The following NIPA1 variants were observed in gnomAD, a reference collection of about 807,000 sequenced individuals.
NIPA1 encodes magnesium transporter NIPA1.
NIPA1 carries 13 observed loss-of-function variants against 23.9 expected under a neutral mutation model. That is an observed-to-expected ratio of 0.54 (90% CI 0.35 to 0.87). The LOEUF (loss-of-function observed/expected upper bound fraction) is 0.87. NIPA1 is among the 40% of genes least tolerant of loss of function. The pLI is 0.01. For synonymous variants in NIPA1, 234 were observed against 202.9 expected (o/e 1.15, Z -1.30); for missense variants, 362 against 429.7 (o/e 0.84, Z 1.39).
intron 1 of NIPA1, among the ~76,000 whole-genome samples, chr15:22,800,517 C>T (rs906271920): frequency 2.6e-5 from 4 of 151,950 alleles, no homozygotes; most frequent in Non-Finnish European, 5.9e-5. Context: ...GTGGGCTGGG[C>T]GTGGTGGCTG....
rs530665277 is a variant in NIPA1, at chr15:22,829,314, A to C, written c.*5075A>C. On this transcript the variant is annotated 3_prime_UTR_variant, in exon 5 of 5. Coordinates refer to ENST00000337435, the MANE Select transcript of NIPA1 (RefSeq NM_144599.5). ...CCTGCTTCCAAGCAGCTCAACCCTG[A>C]TGCTGAACTGACACCAGGCGAATGT... 5.5e-4 allele frequency: 84 copies of C among 152,342 alleles called. No individual in the cohort carries two copies. The highest frequency in any genetic ancestry group is 1.7e-3 in the African/African-American group (72 of 41,550). The allele number at this position is 152,342 out of a possible 1,614,324, so 9.4% of individuals were successfully genotyped here.
At chr15:22,816,178 ATTTTTTTT>A (rs71117481) in intron 3 of NIPA1, among the ~76,000 whole-genome samples, 8 of 77,458 alleles carry the variant, frequency 1.0e-4, no homozygotes, top group African/African-American at 4.2e-4. Context: ...AGAAGACCTG[ATTTTTTTT>A]TTTTTTTTTT....
In NIPA1 at chr15:22,810,744, T is replaced by C. The variant is rs774341557; in HGVS notation, c.179-5T>C. ...TTCTGACATTTTTTATCTCATTTTT[T>C]ATAGGTACTTCCTATTTAACAGACA... On this transcript the variant is annotated splice_region_variant and splice_polypyrimidine_tract_variant and intron_variant, in intron 1 of 4. Transcript: ENST00000337435. 1.3e-6 allele frequency: 2 copies of C among 1,596,522 alleles called. No individual in the cohort carries two copies. Among genetic ancestry groups the C allele is most frequent in the Non-Finnish European group, 1.7e-6 (2 of 1,163,838 alleles).
intron 1 of NIPA1, among the ~76,000 whole-genome samples, chr15:22,804,038 G>A (rs542376012): frequency 2.7e-3 from 403 of 151,660 alleles, no homozygotes; most frequent in African/African-American, 9.0e-3. Context: ...ATGCAGTGGC[G>A]TGATCTTGGC....
rs1286732031 is a variant in NIPA1 at position 22,802,129 on chromosome 15, C to T, written c.179-8620C>T. Among the ~76,000 whole-genome samples, 3 of 152,150 alleles carry T rather than the reference C, an allele frequency of 2.0e-5. No individual in the cohort carries two copies. In the East Asian group the frequency reaches 5.8e-4, roughly 30 times the overall value. On this transcript the variant is annotated intron_variant, in intron 1 of 4. Coordinates refer to ENST00000337435, the MANE Select transcript of NIPA1 (RefSeq NM_144599.5). ...AAATTAAGGGTCGGGCACGGTGGCT[C>T]ACGCCCGTAATCCCAGCACTTTGGG...
At chr15:22,801,268 A>AT (rs1041252680) in intron 1 of NIPA1, among the ~76,000 whole-genome samples, 4 of 152,110 alleles carry the variant, frequency 2.6e-5, no homozygotes, top group African/African-American at 9.7e-5. Context: ...ACCAGTGCAC[A>AT]TGACAGAGCT....
chr15:22,803,367 A>G (rs77818374), intron 1 of NIPA1, among the ~76,000 whole-genome samples: 7,657 of 152,034 alleles, frequency 0.05, 513 homozygotes, highest in African/African-American at 0.15. Context: ...TTACGTATGT[A>G]TATATATACT....
At chr15:22,809,253 G>A (rs1372022418) in intron 1 of NIPA1, among the ~76,000 whole-genome samples, 2 of 152,000 alleles carry the variant, frequency 1.3e-5, no homozygotes, top group East Asian at 3.9e-4. Context: ...CGCACGTGGT[G>A]GTGCACGCCT....
At chr15:22,814,332 A>C (rs1425923001) in intron 3 of NIPA1, among the ~76,000 whole-genome samples, 1 of 150,304 alleles carries the variant, frequency 6.7e-6, no homozygotes, top group African/African-American at 2.5e-5. Flanking sequence ...ATCTCGGCTC[A>C]CTGCAAGCTC....
chr15:22,813,654 G>T (rs1275573403), intron 3 of NIPA1: 1 of 455,952 alleles, frequency 2.2e-6, no homozygotes, highest in African/African-American at 2.0e-5. Context: ...AATCCTTGCA[G>T]AGAAGTGTGT....
intron 1 of NIPA1, among the ~76,000 whole-genome samples, chr15:22,801,544 C>T (rs1307715113): frequency 8.0e-6 from 1 of 124,442 alleles, no homozygotes; most frequent in Admixed American, 9.8e-5. Flanking sequence ...GAGACAGAGT[C>T]TTGCTCTGTC....
chr15:22,797,661 G>A (rs1280329846), intron 1 of NIPA1, among the ~76,000 whole-genome samples: 1 of 151,630 alleles, frequency 6.6e-6, no homozygotes, highest in East Asian at 1.9e-4. Flanking sequence ...GCGCCACCAC[G>A]CCTGGCTAAT....
chr15:22,805,609 C>A (rs1397442430), intron 1 of NIPA1, among the ~76,000 whole-genome samples: 1 of 152,062 alleles, frequency 6.6e-6, no homozygotes, highest in East Asian at 1.9e-4. Context: ...CTGTTTGAAC[C>A]CAGGAGTCAG....
chr15:22,786,677 A>AGCGGCGGCG lies in NIPA1; in HGVS notation c.39_47dup (p.Ala14_Ala16dup), dbSNP rs531550505. On this transcript the variant is annotated inframe_insertion, in exon 1 of 5. Coordinates refer to ENST00000337435, the MANE Select transcript of NIPA1 (RefSeq NM_144599.5). Reference sequence around the variant, plus strand: ...GCGGAATGGGGACTGCAGCTGCGGCAGCGGCGGCGGCGGCGGCGGCGGCGG... The same window carrying AGCGGCGGCG: ...GCGGAATGGGGACTGCAGCTGCGGCAGCGGCGGCGGCGGCGGCGGCGGCGGCGGCGGCGG... 232 of 1,071,554 alleles carry AGCGGCGGCG rather than the reference A, an allele frequency of 2.2e-4. No homozygotes were observed. Among genetic ancestry groups the AGCGGCGGCG allele is most frequent in the Admixed American group, 3.4e-4 (7 of 20,646 alleles). 66.4% of individuals were successfully genotyped at this position (1,071,554 alleles called of 1,614,324 possible).
chr15:22,800,856 G>A (rs554599728), intron 1 of NIPA1, among the ~76,000 whole-genome samples: 11 of 151,836 alleles, frequency 7.2e-5, no homozygotes, highest in African/African-American at 1.9e-4. Flanking sequence ...GCGTGAACCC[G>A]GGAGGTGGAG....
At chr15:22,810,372 T>G (rs1348113079) in intron 1 of NIPA1, among the ~76,000 whole-genome samples, 1 of 152,180 alleles carries the variant, frequency 6.6e-6, no homozygotes, top group Non-Finnish European at 1.5e-5. Flanking sequence ...AATTCTTATA[T>G]AAATGGACTA....
chr15:22,786,855 CAGGCGGCGGGCGGGTGGGGG>C, intron 1 of NIPA1, 21 bp downstream of exon 1: 1 of 490,980 alleles, frequency 2.0e-6, no homozygotes, highest in Non-Finnish European at 2.9e-6. Flanking sequence ...CGGCAGGCGG[CAGGCGGCGGGCGGGTGGGGG>C]AGGCGGGCGG....
chr15:22,811,457 T>TA (rs1171951899), intron 2 of NIPA1, among the ~76,000 whole-genome samples: 1 of 151,902 alleles, frequency 6.6e-6, no homozygotes, highest in Non-Finnish European at 1.5e-5. Context: ...AAACAAAAAT[T>TA]ACCTGGGCAT....
intron 3 of NIPA1, among the ~76,000 whole-genome samples, chr15:22,818,666 G>A (rs1325506577): frequency 1.4e-5 from 2 of 148,116 alleles, no homozygotes; most frequent in East Asian, 2.1e-4. Flanking sequence ...GCATGGTGGC[G>A]GGCATCTGTA....
Sources: allele counts gnomAD v4.1 joint callset (sites outside exome capture counted in the v4.1 genomes callset), GRCh38; gene constraint gnomAD v4.1.1; transcripts MANE v1.5; gene names NCBI Gene and HGNC (gene_info 2026-07-23, HGNC 2026-07-21).